KATNAL1: variants seen among roughly 807,000 people sequenced by gnomAD.
KATNAL1 encodes katanin catalytic subunit A1 like 1, also known as katanin p60 ATPase-containing subunit A-like 1.
Under a neutral mutation model 55.2 loss-of-function variants are expected in KATNAL1, and 32 were observed. The observed-to-expected ratio is 0.58, with a 90% CI of 0.44 to 0.78. KATNAL1 has a LOEUF of 0.78. Ranked by LOEUF, KATNAL1 falls within the 30% of genes least tolerant of loss-of-function variation. The pLI is 0.00. For missense variants in KATNAL1, 466 were observed against 600.9 expected (o/e 0.78, Z 2.35); for synonymous variants, 193 against 193.6 (o/e 1.00, Z 0.02).
chr13:30,300,820 A>T (rs1425936975), intron 1 of KATNAL1, among the ~76,000 whole-genome samples: 1 of 152,252 alleles, frequency 6.6e-6, no homozygotes, highest in African/African-American at 2.4e-5. Context: ...GAATGTATGT[A>T]GTAATTAAGG....
chr13:30,297,998 AC>A (rs764410264), intron 1 of KATNAL1, among the ~76,000 whole-genome samples: 6 of 152,308 alleles, frequency 3.9e-5, no homozygotes, highest in Non-Finnish European at 8.8e-5. Flanking sequence ...GTGCAGATGT[AC>A]CCCCTAAATC....
chr13:30,218,265 AC>A (rs1874509188), intron 9 of KATNAL1, among the ~76,000 whole-genome samples: 1 of 151,188 alleles, frequency 6.6e-6, no homozygotes, highest in South Asian at 2.1e-4. Context: ...AGTCAGAGTC[AC>A]CCCGAGTTGA....
chr13:30,284,792 C>T lies in KATNAL1; in HGVS notation c.-14-1001G>A, dbSNP rs146556109. Among the ~76,000 whole-genome samples, 159 of 152,300 alleles carry T rather than the reference C, an allele frequency of 1.0e-3. 1 individual carries two copies. The highest frequency in any genetic ancestry group is 3.7e-3 in the African/African-American group (154 of 41,552). On this transcript the variant is annotated intron_variant, in intron 1 of 10. Transcript: ENST00000380615. ...ATTTCTGGCTTCCACCAAAGCTCTC[C>T]AGTCCAGTAATTCTGGCTTTTCTTC... is the stretch of plus-strand genomic sequence containing the variant.
At chr13:30,266,544 T>G (rs748314259) in intron 3 of KATNAL1, among the ~76,000 whole-genome samples, 3 of 152,212 alleles carry the variant, frequency 2.0e-5, no homozygotes, top group Non-Finnish European at 4.4e-5. Context: ...TGCATTTTCA[T>G]GCATGAAAAA....
chr13:30,220,821 G>A (rs1316347153), intron 9 of KATNAL1, among the ~76,000 whole-genome samples: 2 of 151,640 alleles, frequency 1.3e-5, no homozygotes, highest in South Asian at 2.1e-4. Context: ...TGCCTCAGCC[G>A]CCTGAGTAGC....
At chr13:30,211,960 C>G (rs891675933) in intron 9 of KATNAL1, among the ~76,000 whole-genome samples, 1 of 152,084 alleles carries the variant, frequency 6.6e-6, no homozygotes, top group Non-Finnish European at 1.5e-5. Context: ...TGGTTCAGGC[C>G]GTGAGGGGAA....
rs559439913 is a variant in KATNAL1, at chr13:30,250,590, T to C, written c.492+4857A>G. ...AATAGCTCTCAAAAGAATATGTCAA[T>C]CTAGTTTGCAACATCTCTCCATATC... is the stretch of plus-strand genomic sequence containing the variant. On this transcript the variant is annotated intron_variant, in intron 4 of 10. Transcript: ENST00000380615. 2.0e-5 allele frequency among the ~76,000 whole-genome samples: 3 copies of C among 152,314 alleles called. No individual in the cohort carries two copies. The South Asian group carries it at 6.2e-4, about 32-fold the overall frequency.
intron 4 of KATNAL1, among the ~76,000 whole-genome samples, chr13:30,251,171 CAG>C (rs997381105): frequency 6.6e-6 from 1 of 150,402 alleles, no homozygotes; most frequent in African/African-American, 2.4e-5. Flanking sequence ...ACTTGAGAAT[CAG>C]AGTTTTATAA....
chr13:30,239,335 A>G (rs1057222443), intron 6 of KATNAL1, among the ~76,000 whole-genome samples: 30 of 152,138 alleles, frequency 2.0e-4, no homozygotes, highest in African/African-American at 7.2e-4. Flanking sequence ...GCTTGAACCC[A>G]GGAGGCAGAG....
At chr13:30,289,375 C>T (rs1280460780) in intron 1 of KATNAL1, among the ~76,000 whole-genome samples, 2 of 152,202 alleles carry the variant, frequency 1.3e-5, no homozygotes, top group Admixed American at 1.3e-4. Flanking sequence ...TTGTAACCAA[C>T]ACAATTTAGT....
intron 3 of KATNAL1, among the ~76,000 whole-genome samples, chr13:30,264,193 A>T (rs1275768930): frequency 1.3e-5 from 2 of 150,850 alleles, no homozygotes; most frequent in Non-Finnish European, 3.0e-5. Context: ...CTGAAACTGG[A>T]TCCCTTCCTT....
intron 1 of KATNAL1, among the ~76,000 whole-genome samples, chr13:30,306,200 C>T (rs1490403812): frequency 6.6e-6 from 1 of 152,164 alleles, no homozygotes; most frequent in Non-Finnish European, 1.5e-5. Flanking sequence ...GTGTCAGCTT[C>T]CTTTACCAGC....
intron 2 of KATNAL1, among the ~76,000 whole-genome samples, chr13:30,283,161 C>T (rs995206644): frequency 4.3e-5 from 6 of 140,408 alleles, no homozygotes; most frequent in South Asian, 4.8e-4. Flanking sequence ...CCAGCTACTC[C>T]GGAGGCTGAG....
intron 9 of KATNAL1, among the ~76,000 whole-genome samples, chr13:30,219,584 T>C (rs1479729812): frequency 6.6e-6 from 1 of 152,262 alleles, no homozygotes; most frequent in Non-Finnish European, 1.5e-5. Flanking sequence ...CCACAGTTCC[T>C]AACAAATGTC....
rs2137330122 is a variant in KATNAL1 at position 30,207,971 on chromosome 13, A to G, written c.*569T>C. ...AAGCTCAAGATATTATGAAGTAGCT[A>G]GCAGAAGAAATGGCAGGGGTAGCGG... is the stretch of plus-strand genomic sequence containing the variant. On this transcript the variant is annotated 3_prime_UTR_variant, in exon 11 of 11. Coordinates refer to ENST00000380615, the MANE Select transcript of KATNAL1 (RefSeq NM_032116.5). 6.6e-6 allele frequency: 1 copy of G among 152,362 alleles called. No homozygotes were observed. Among genetic ancestry groups the G allele is most frequent in the Admixed American group, 6.5e-5 (1 of 15,302 alleles). The allele number at this position is 152,362 out of a possible 1,614,324, so 9.4% of individuals were successfully genotyped here.
intron 4 of KATNAL1, among the ~76,000 whole-genome samples, chr13:30,248,142 AG>A (rs903280182): frequency 6.6e-6 from 1 of 152,242 alleles, no homozygotes; most frequent in Non-Finnish European, 1.5e-5. Context: ...AAGACTGTTC[AG>A]TCTAAGAAAA....
intron 3 of KATNAL1, among the ~76,000 whole-genome samples, chr13:30,270,199 G>A (rs1366954929): frequency 7.5e-6 from 1 of 133,174 alleles, no homozygotes; most frequent in Admixed American, 7.1e-5. Flanking sequence ...CGGGAAGGAG[G>A]TGGGGGGTCA....
Position 30,211,513 on chromosome 13 carries a change from C to T in KATNAL1, c.1148-1071G>A, listed in dbSNP as rs562798498. 4.6e-5 allele frequency among the ~76,000 whole-genome samples: 7 copies of T among 152,326 alleles called. No homozygotes were observed. In the South Asian group the frequency reaches 1.4e-3, roughly 32 times the overall value. On this transcript the variant is annotated intron_variant, in intron 9 of 10. Coordinates refer to ENST00000380615, the MANE Select transcript of KATNAL1 (RefSeq NM_032116.5). ...CCCTATTTGTCCCAAGCCTTTATAA[C>T]TTTTACAAACCATAACACATTGCAG...
intron 6 of KATNAL1, among the ~76,000 whole-genome samples, chr13:30,235,848 C>CAA (rs140120633): frequency 1.4e-4 from 20 of 138,528 alleles, no homozygotes; most frequent in African/African-American, 4.7e-4. Flanking sequence ...GTTTGATTCC[C>CAA]AAAAAAAAAA....
Sources: gnomAD v4.1 joint callset for allele counts (sites outside exome capture counted in the v4.1 genomes callset) on GRCh38, gnomAD v4.1.1 for gene constraint, MANE v1.5 for transcripts, NCBI Gene and HGNC (gene_info 2026-07-23, HGNC 2026-07-21) for gene names.